MYO1D: variants seen among roughly 807,000 people sequenced by gnomAD.
MYO1D encodes the protein unconventional myosin-Id.
A neutral mutation model predicts 122.0 loss-of-function variants in MYO1D; 83 were observed. The observed-to-expected ratio is 0.68, with a 90% confidence interval of 0.57 to 0.82. The LOEUF is 0.82. Among genes scored for constraint, MYO1D ranks in the 40% least tolerant of loss-of-function variants. The pLI, the probability that MYO1D is intolerant of heterozygous loss-of-function variation, is 0.00. For missense variants in MYO1D, 1,157 were observed against 1,269.5 expected (o/e 0.91, Z 1.35); for synonymous variants, 464 against 446.9 (o/e 1.04, Z -0.48).
chr17:32,554,855 G>GT (rs1206860387), intron 21 of MYO1D, among the ~76,000 whole-genome samples: 1 of 152,160 alleles, frequency 6.6e-6, no homozygotes, highest in Non-Finnish European at 1.5e-5. Context: ...GATATACGAA[G>GT]TTTTTTCCTT....
intron 12 of MYO1D, among the ~76,000 whole-genome samples, 170 bp downstream of exon 12, chr17:32,748,766 G>A (rs1375207604): frequency 2.4e-4 from 37 of 152,136 alleles, no homozygotes; most frequent in Non-Finnish European, 2.9e-5. Flanking sequence ...TGAAAAGCAA[G>A]GAATGAATGA....
intron 16 of MYO1D, among the ~76,000 whole-genome samples, chr17:32,710,384 C>A (rs1019932702): frequency 6.6e-6 from 1 of 152,124 alleles, no homozygotes; most frequent in Non-Finnish European, 1.5e-5. Flanking sequence ...AAAACTTTCT[C>A]ACCATATGGA....
At chr17:32,652,708 T>C (rs2088408942) in intron 19 of MYO1D, among the ~76,000 whole-genome samples, 1 of 152,092 alleles carries the variant, frequency 6.6e-6, no homozygotes, top group Non-Finnish European at 1.5e-5. Flanking sequence ...TCCAGGTAAA[T>C]AGCAGCCCAA....
At chr17:32,775,324 C>T (rs2090161579) in intron 4 of MYO1D, among the ~76,000 whole-genome samples, 1 of 152,058 alleles carries the variant, frequency 6.6e-6, no homozygotes, top group South Asian at 2.1e-4. Flanking sequence ...CCAAACCAGA[C>T]ACAACCTCTC....
chr17:32,593,013 C>T (rs1244977229), intron 21 of MYO1D, among the ~76,000 whole-genome samples: 1 of 152,204 alleles, frequency 6.6e-6, no homozygotes, highest in East Asian at 1.9e-4. Context: ...TGCTCTTCCT[C>T]AGGTTTTACT....
chr17:32,633,773 A>T (rs1172401337), intron 20 of MYO1D, among the ~76,000 whole-genome samples: 1 of 151,952 alleles, frequency 6.6e-6, no homozygotes, highest in Non-Finnish European at 1.5e-5. Flanking sequence ...CTTTCCACCA[A>T]GTACACGTAC....
intron 19 of MYO1D, among the ~76,000 whole-genome samples, chr17:32,644,462 A>G (rs368444338): frequency 3.9e-5 from 6 of 151,982 alleles, no homozygotes; most frequent in Non-Finnish European, 7.4e-5. Context: ...CAATTCCTGG[A>G]TATCCTTGTT....
chr17:32,545,114 C>T (rs374039592), intron 21 of MYO1D, among the ~76,000 whole-genome samples: 107 of 152,272 alleles, frequency 7.0e-4, no homozygotes, highest in African/African-American at 2.5e-3. Flanking sequence ...TGGCCTCTCC[C>T]GCTGAATGCC....
In MYO1D at chr17:32,492,923, G is replaced by T. The variant is rs565620323; in HGVS notation, c.*1836C>A. 6.6e-6 allele frequency: 1 copy of T among 152,584 alleles called. No homozygotes were observed. The highest frequency in any genetic ancestry group is 2.4e-5 in the African/African-American group (1 of 41,432). 9.5% of individuals were successfully genotyped at this position (152,584 alleles called of 1,614,324 possible). On this transcript the variant is annotated 3_prime_UTR_variant, in exon 22 of 22. Coordinates refer to ENST00000318217, the MANE Select transcript of MYO1D (RefSeq NM_015194.3). ...TGGCGCTGGGGCTAAGGGGCCCAAG[G>T]CACCATCCAAAGGCTGGGAGGAAAG...
intron 19 of MYO1D, among the ~76,000 whole-genome samples, chr17:32,640,406 T>C (rs2088179432): frequency 1.3e-5 from 2 of 150,748 alleles, no homozygotes; most frequent in Non-Finnish European, 3.0e-5. Flanking sequence ...ACATGTGCCA[T>C]GCTGGTGCGC....
At chr17:32,558,415 A>G (rs138118743) in intron 21 of MYO1D, among the ~76,000 whole-genome samples, 10 of 152,330 alleles carry the variant, frequency 6.6e-5, no homozygotes, top group African/African-American at 2.4e-4. Context: ...AGCACATTAC[A>G]TTGTGCTTTT....
At chr17:32,526,563 A>G (rs1183083554) in intron 21 of MYO1D, among the ~76,000 whole-genome samples, 1 of 150,798 alleles carries the variant, frequency 6.6e-6, no homozygotes, top group Non-Finnish European at 1.5e-5. Context: ...GGAGCTAGAG[A>G]CTCTTTATCT....
At chr17:32,733,704 T>A (rs1207441850) in intron 14 of MYO1D, among the ~76,000 whole-genome samples, 2 of 152,104 alleles carry the variant, frequency 1.3e-5, no homozygotes, top group African/African-American at 4.8e-5. Flanking sequence ...CTTCAACAAA[T>A]CCCCACAGGG....
intron 16 of MYO1D, among the ~76,000 whole-genome samples, chr17:32,670,830 A>C (rs1054676325): frequency 2.0e-5 from 3 of 152,124 alleles, no homozygotes; most frequent in Non-Finnish European, 4.4e-5. Flanking sequence ...TCCCCTCTCT[A>C]CTGAGAGCTG....
In MYO1D at chr17:32,683,489, G is replaced by T. The variant is rs554086243; in HGVS notation, c.2122-24151C>A. Among the ~76,000 whole-genome samples the T allele has an allele frequency of 1.5e-3, 232 of 152,204 alleles. 1 individual carries two copies. The highest frequency in any genetic ancestry group is 5.3e-3 in the African/African-American group (219 of 41,506). On this transcript the variant is annotated intron_variant, in intron 16 of 21. Coordinates refer to ENST00000318217, the MANE Select transcript of MYO1D (RefSeq NM_015194.3). ...TAACAGACAGGACCCTCAGCTGCAG[G>T]TCTGTTGGAATACCCTGCCGTGTGA...
At chr17:32,673,333 A>G (rs2088752064) in intron 16 of MYO1D, among the ~76,000 whole-genome samples, 1 of 151,674 alleles carries the variant, frequency 6.6e-6, no homozygotes, top group African/African-American at 2.4e-5. Flanking sequence ...TGAACTCTTG[A>G]GCTCAGGCAA....
intron 21 of MYO1D, among the ~76,000 whole-genome samples, chr17:32,508,423 A>G (rs1259608930): frequency 6.6e-6 from 1 of 151,528 alleles, no homozygotes; most frequent in Non-Finnish European, 1.5e-5. Context: ...TAACAGGCGC[A>G]CACCACCACG....
chr17:32,715,494 T>C (rs944528724), intron 15 of MYO1D, among the ~76,000 whole-genome samples: 1 of 152,112 alleles, frequency 6.6e-6, no homozygotes, highest in South Asian at 2.1e-4. Context: ...CCTGGATATA[T>C]CTTGTCAATC....
chr17:32,845,048 A>G (rs1222646200), intron 1 of MYO1D, among the ~76,000 whole-genome samples: 1 of 152,068 alleles, frequency 6.6e-6, no homozygotes, highest in Non-Finnish European at 1.5e-5. Context: ...ACCAAAGGAA[A>G]AAAAAAAAAT....
Sources: allele counts gnomAD v4.1 joint callset (sites outside exome capture counted in the v4.1 genomes callset), GRCh38; gene constraint gnomAD v4.1.1; transcripts MANE v1.5; gene names NCBI Gene and HGNC (gene_info 2026-07-23, HGNC 2026-07-21).